PIWIL2: variants seen among roughly 807,000 people sequenced by gnomAD.
PIWIL2 encodes the protein piwi like RNA-mediated gene silencing 2.
A neutral mutation model predicts 116.5 loss-of-function variants in PIWIL2; 81 were observed. That is an observed-to-expected ratio of 0.70 (90% CI 0.58 to 0.84). The LOEUF is 0.84. PIWIL2 is among the 40% of genes least tolerant of loss of function. PIWIL2 has a pLI of 0.00. For missense variants in PIWIL2, 1,272 were observed against 1,212.3 expected (o/e 1.05, Z -0.73); for synonymous variants, 489 against 429.5 (o/e 1.14, Z -1.71).
intron 16 of PIWIL2, among the ~76,000 whole-genome samples, chr8:22,313,057 A>G (rs1229098322): frequency 6.6e-6 from 1 of 152,216 alleles, no homozygotes; most frequent in Non-Finnish European, 1.5e-5. Flanking sequence ...AACCCAGCCC[A>G]GTACATCAGC....
intron 20 of PIWIL2, among the ~76,000 whole-genome samples, chr8:22,321,655 C>A (rs1831601940): frequency 6.6e-6 from 1 of 152,128 alleles, no homozygotes; most frequent in African/African-American, 2.4e-5. Flanking sequence ...GTCCAGTGCT[C>A]CAGTGAACTA....
intron 7 of PIWIL2, among the ~76,000 whole-genome samples, chr8:22,288,114 C>T (rs1007852222): frequency 2.0e-5 from 3 of 152,014 alleles, no homozygotes; most frequent in Non-Finnish European, 4.4e-5. Context: ...CTGGCTAACA[C>T]GGTGAAACCC....
chr8:22,284,300 C>A (rs1343367467), intron 6 of PIWIL2, 28 bp downstream of exon 6: 2 of 1,219,424 alleles, frequency 1.6e-6, no homozygotes, highest in Admixed American at 2.1e-5. Context: ...TTGTATTGTT[C>A]ACTTCTTAAA....
intron 10 of PIWIL2, 24 bp from the exon 11 acceptor site, chr8:22,303,997 A>G (rs1282026351): frequency 3.2e-6 from 5 of 1,557,522 alleles, no homozygotes; most frequent in Admixed American, 1.7e-5. Flanking sequence ...CTGTGATCCA[A>G]AAGTCTTTTA....
Position 22,314,363 on chromosome 8 carries a change from C to A in PIWIL2, c.2025C>A (p.Gly675=). ...KIQMVVCIIM[G]PRDDLYGAIK... ...AGATGGTTGTTTGCATCATCATGGG[C>A]CCACGTGATGATCTCTATGGGGCCA... The change falls in exon 17 of 23, where the codon GGC becomes GGA. Residue 675 remains glycine, a synonymous_variant. Coordinates refer to ENST00000356766, the MANE Select transcript of PIWIL2 (RefSeq NM_018068.5). 1 of 1,580,586 alleles carries A rather than the reference C, an allele frequency of 6.3e-7. No individual in the cohort carries two copies. The highest frequency in any genetic ancestry group is 8.6e-7 in the Non-Finnish European group (1 of 1,160,904).
In PIWIL2 at chr8:22,305,939, G is replaced by A; in HGVS notation, c.1468G>A (p.Glu490Lys). The change falls in exon 13 of 23, where the codon GAA becomes AAA. Residue 490 changes from glutamate to lysine, a missense_variant. Glu to Lys is a moderately conservative substitution (Grantham distance 56). Coordinates refer to ENST00000356766, the MANE Select transcript of PIWIL2 (RefSeq NM_018068.5). ...QDNHGMLLKG[E>K]ILLLPELSFM... ...TCTCTCTTCAAAGCTGCTAAAAGGG[G>A]AAATCCTGCTGCTGCCTGAGCTTTC... 6.2e-7 allele frequency: 1 copy of A among 1,613,716 alleles called. No individual in the cohort carries two copies. The highest frequency in any genetic ancestry group is 8.5e-7 in the Non-Finnish European group (1 of 1,179,632).
chr8:22,317,363 A>G (rs1831485027), intron 19 of PIWIL2, among the ~76,000 whole-genome samples: 1 of 152,184 alleles, frequency 6.6e-6, no homozygotes, highest in African/African-American at 2.4e-5. Flanking sequence ...TGCCTATATT[A>G]ACACATACAT....
chr8:22,323,123 A>G (rs1046402009), intron 20 of PIWIL2, among the ~76,000 whole-genome samples: 1 of 136,850 alleles, frequency 7.3e-6, no homozygotes, highest in Admixed American at 7.6e-5. Flanking sequence ...TGTGTGGGCT[A>G]GGGCTAGGAT....
intron 20 of PIWIL2, among the ~76,000 whole-genome samples, chr8:22,333,552 C>T (rs1039058629): frequency 6.6e-6 from 1 of 151,974 alleles, no homozygotes; most frequent in Non-Finnish European, 1.5e-5. Context: ...GCAGAGGTTG[C>T]GGTGAGCCAA....
chr8:22,294,364 G>A (rs1211305008), intron 10 of PIWIL2, among the ~76,000 whole-genome samples: 10 of 123,612 alleles, frequency 8.1e-5, no homozygotes, highest in South Asian at 2.8e-4. Context: ...AAAAAGGTCC[G>A]AGCGTGGTGG....
chr8:22,325,615 C>T (rs1187362108), intron 20 of PIWIL2, among the ~76,000 whole-genome samples: 1 of 150,106 alleles, frequency 6.7e-6, no homozygotes, highest in Non-Finnish European at 1.5e-5. Flanking sequence ...TGCCAAGTAG[C>T]TGGGATTACA....
intron 15 of PIWIL2, 109 bp downstream of exon 15, chr8:22,310,183 A>C: frequency 1.6e-6 from 1 of 635,356 alleles, no homozygotes; most frequent in South Asian, 2.1e-5. Context: ...GTACCAATTG[A>C]ATCCCCATTC....
chr8:22,284,305 C>T lies in PIWIL2; in HGVS notation c.743+33C>T, dbSNP rs1830582953. 4.5e-6 allele frequency: 5 copies of T among 1,115,594 alleles called. No individual in the cohort carries two copies. In the East Asian group the frequency reaches 1.2e-4, roughly 27 times the overall value. 69.1% of individuals were successfully genotyped at this position (1,115,594 alleles called of 1,614,324 possible). A position where few individuals can be genotyped will look rare whatever the true frequency, so the allele number is the denominator to read the frequency against. ...CAGCTTTCCTTTGTATTGTTCACTT[C>T]TTAAAGGGCAGTAAAAAAAATAGTT... On this transcript the variant is annotated intron_variant, in intron 6 of 22. Coordinates refer to ENST00000356766, the MANE Select transcript of PIWIL2 (RefSeq NM_018068.5).
In PIWIL2 at chr8:22,311,120, G is replaced by A. The variant is rs1395773882; in HGVS notation, c.1809G>A (p.Met603Ile). Reference sequence around the variant, plus strand: ...CTCTTGGTTGTTCCTAGATCCCCATGCATTTCTGGGCACTTTTTTACCCAA... The same window carrying A: ...CTCTTGGTTGTTCCTAGATCCCCATACATTTCTGGGCACTTTTTTACCCAA... ...TRDPSILTIP[M>I]HFWALFYPKR... Residue 603 changes from methionine to isoleucine, a missense_variant, in exon 16 of 23, where the codon ATG becomes ATA. Coordinates refer to ENST00000356766, the MANE Select transcript of PIWIL2 (RefSeq NM_018068.5). The A allele has an allele frequency of 1.2e-6, 2 of 1,609,526 alleles. No individual in the cohort carries two copies. Among genetic ancestry groups the A allele is most frequent in the Non-Finnish European group, 1.7e-6 (2 of 1,177,866 alleles).
intron 8 of PIWIL2, among the ~76,000 whole-genome samples, chr8:22,289,443 G>A (rs927536821): frequency 1.3e-4 from 20 of 152,138 alleles, no homozygotes; most frequent in Non-Finnish European, 2.4e-4. Context: ...AAGCCACCGC[G>A]CCCGGCCCAT....
chr8:22,351,300 A>G (rs1021705609), intron 20 of PIWIL2, among the ~76,000 whole-genome samples: 6 of 150,978 alleles, frequency 4.0e-5, no homozygotes, highest in Non-Finnish European at 8.9e-5. Flanking sequence ...CCTGAGCAAC[A>G]GAGTGAGACC....
At chr8:22,336,044 A>T (rs2132086631) in intron 20 of PIWIL2, among the ~76,000 whole-genome samples, 1 of 152,328 alleles carries the variant, frequency 6.6e-6, no homozygotes, top group Non-Finnish European at 1.5e-5. Flanking sequence ...GCAATTCAGC[A>T]ATAGTTTGAG....
chr8:22,328,462 T>C (rs1831777773), intron 20 of PIWIL2, among the ~76,000 whole-genome samples: 1 of 152,118 alleles, frequency 6.6e-6, no homozygotes, highest in Non-Finnish European at 1.5e-5. Flanking sequence ...TTTTTGTTTC[T>C]GCAAAAAAAG....
chr8:22,308,206 T>TA, intron 14 of PIWIL2, 133 bp downstream of exon 14: 1 of 765,072 alleles, frequency 1.3e-6, no homozygotes, highest in East Asian at 2.8e-5. Flanking sequence ...AGTTTTTTTT[T>TA]TTTTTTTGAG....
Sources: gnomAD v4.1 joint callset for allele counts (sites outside exome capture counted in the v4.1 genomes callset) on GRCh38, gnomAD v4.1.1 for gene constraint, MANE v1.5 for transcripts, NCBI Gene and HGNC (gene_info 2026-07-23, HGNC 2026-07-21) for gene names.